Variants in RANBP2 observed in about 807,000 individuals in gnomAD.
RANBP2 encodes the protein E3 SUMO-protein ligase RanBP2.
Under a neutral mutation model 303.6 loss-of-function variants are expected in RANBP2, and 57 were observed. That is an observed-to-expected ratio of 0.19 (90% CI 0.15 to 0.23). The LOEUF (loss-of-function observed/expected upper bound fraction) is 0.23. Among genes scored for constraint, RANBP2 ranks in the 10% least tolerant of loss-of-function variants. RANBP2 has a pLI of 1.00. For missense variants in RANBP2, 3,138 were observed against 3,780.8 expected, an observed-to-expected ratio of 0.83 and a Z score of 4.46; for synonymous variants, 1,167 against 1,301.5, an observed-to-expected ratio of 0.90 and a Z score of 2.23.
the RANBP2 span, among the ~76,000 whole-genome samples, chr2:109,568,290 A>C: frequency 6.6e-6 from 1 of 151,974 alleles, no homozygotes; most frequent in Admixed American, 6.6e-5. Flanking sequence ...CAGAAAAGGC[A>C]TGCCAACCCT....
At chr2:109,583,108 T>C in the RANBP2 span, among the ~76,000 whole-genome samples, 1 of 152,210 alleles carries the variant, frequency 6.6e-6, no homozygotes, top group South Asian at 2.1e-4. Context: ...ATGCTGCACA[T>C]TGGCCTTGGA....
chr2:109,762,988 TTTTAAG>T, the RANBP2 span, among the ~76,000 whole-genome samples: 1 of 146,266 alleles, frequency 6.8e-6, no homozygotes, highest in Non-Finnish European at 1.5e-5. Context: ...TTACGTAAAT[TTTTAAG>T]TTTATGGTTA....
the RANBP2 span, among the ~76,000 whole-genome samples, chr2:109,664,554 A>G: frequency 6.6e-6 from 1 of 152,188 alleles, no homozygotes; most frequent in Non-Finnish European, 1.5e-5. Flanking sequence ...CAGGGAACAC[A>G]GACCACACCA....
At chr2:109,505,359 G>A in the RANBP2 span, among the ~76,000 whole-genome samples, 2 of 152,186 alleles carry the variant, frequency 1.3e-5, no homozygotes, top group Non-Finnish European at 2.9e-5. Flanking sequence ...TTAGCAAAGA[G>A]CCATTTTACT....
chr2:109,077,752 GAAT>G, the RANBP2 span, among the ~76,000 whole-genome samples: 3 of 149,794 alleles, frequency 2.0e-5, no homozygotes, highest in East Asian at 5.8e-4. Context: ...ATCAAAACTA[GAAT>G]GAGATTTCAT....
chr2:109,078,981 A>G, the RANBP2 span, among the ~76,000 whole-genome samples: 1 of 151,370 alleles, frequency 6.6e-6, no homozygotes, highest in Non-Finnish European at 1.5e-5. Flanking sequence ...ACGGAGCGAG[A>G]CTCTGTTTCA....
At chr2:109,623,382 T>C in the RANBP2 span, among the ~76,000 whole-genome samples, 1 of 152,158 alleles carries the variant, frequency 6.6e-6, no homozygotes. Flanking sequence ...AGGGGATATC[T>C]CAGCCACACA....
chr2:109,500,375 C>T, the RANBP2 span, among the ~76,000 whole-genome samples: 3 of 152,138 alleles, frequency 2.0e-5, no homozygotes, highest in Non-Finnish European at 4.4e-5. Flanking sequence ...CTCAGAGCTC[C>T]AGCACCTGCC....
chr2:108,998,287 T>TA, the RANBP2 span, among the ~76,000 whole-genome samples: 3 of 152,346 alleles, frequency 2.0e-5, no homozygotes, highest in East Asian at 5.8e-4. Flanking sequence ...GCCCCTCGGA[T>TA]AATGCTGTTT....
the RANBP2 span, among the ~76,000 whole-genome samples, chr2:109,362,153 A>G: frequency 6.6e-6 from 1 of 151,990 alleles, no homozygotes; most frequent in Non-Finnish European, 1.5e-5. Context: ...GTGAAGATTT[A>G]GATTATTTAT....
At chr2:109,383,540 G>A in the RANBP2 span, among the ~76,000 whole-genome samples, 3 of 152,142 alleles carry the variant, frequency 2.0e-5, no homozygotes, top group African/African-American at 2.4e-5. Context: ...AATGGATAGG[G>A]TGCAGGCTTC....
chr2:108,907,649 C>CAA, the RANBP2 span, among the ~76,000 whole-genome samples: 1 of 144,046 alleles, frequency 6.9e-6, no homozygotes. Context: ...CTCTCATCTC[C>CAA]AAAAAAAAAA....
chr2:109,413,074 C>T, the RANBP2 span, among the ~76,000 whole-genome samples: 1,911 of 152,306 alleles, frequency 0.013, 48 homozygotes, highest in African/African-American at 0.044. Flanking sequence ...CTGCGAAATC[C>T]TTACCTGTAC....
At chr2:108,882,762 T>G in the RANBP2 span, 1 of 152,262 alleles carries the variant, frequency 6.6e-6, no homozygotes, top group Non-Finnish European at 1.5e-5. Context: ...TTGAAATTCT[T>G]GAAATCCTAA....
At chr2:108,913,124 T>C in the RANBP2 span, among the ~76,000 whole-genome samples, 4 of 151,952 alleles carry the variant, frequency 2.6e-5, no homozygotes, top group East Asian at 5.8e-4. Flanking sequence ...AATTTTTTTG[T>C]ATTTTTAGTA....
the RANBP2 span, among the ~76,000 whole-genome samples, chr2:109,205,279 T>A: frequency 4.7e-5 from 7 of 148,716 alleles, no homozygotes; most frequent in Non-Finnish European, 8.9e-5. Flanking sequence ...TTTTTTTTTT[T>A]AAACTGAGTC....
At chr2:109,394,913 C>G in the RANBP2 span, among the ~76,000 whole-genome samples, 1 of 152,210 alleles carries the variant, frequency 6.6e-6, no homozygotes, top group Non-Finnish European at 1.5e-5. Flanking sequence ...AATGGGTGCA[C>G]GGGAGCCGCC....
downstream of RANBP2, among the ~76,000 whole-genome samples, chr2:108,789,957 A>G (rs1679628883): frequency 6.6e-6 from 1 of 152,254 alleles, no homozygotes; most frequent in Non-Finnish European, 1.5e-5. Flanking sequence ...ATCCATATAT[A>G]ACATGAAATG....
At chr2:108,875,911 C>T in the RANBP2 span, 1 of 158,922 alleles carries the variant, frequency 6.3e-6, no homozygotes. Context: ...TCAGGTTTAT[C>T]TCATAAAACC....
Sources: gnomAD v4.1 joint callset for allele counts (sites outside exome capture counted in the v4.1 genomes callset) on GRCh38, gnomAD v4.1.1 for gene constraint, MANE v1.5 for transcripts, NCBI Gene and HGNC (gene_info 2026-07-23, HGNC 2026-07-21) for gene names.